The following AAK1 variants were observed in gnomAD, a reference collection of about 807,000 sequenced individuals.
The protein encoded by AAK1 is AP2-associated protein kinase 1.
A neutral mutation model predicts 116.0 loss-of-function variants in AAK1; 37 were observed. That is an observed-to-expected ratio of 0.32 (90% CI 0.25 to 0.42). AAK1 has a LOEUF of 0.42. AAK1 is among the 10% of genes least tolerant of loss of function. The pLI, the probability that AAK1 is intolerant of heterozygous loss-of-function variation, is 1.00. For synonymous variants in AAK1, 458 were observed against 439.9 expected, an observed-to-expected ratio of 1.04 and a Z score of -0.51; for missense variants, 919 against 1,170.6, an observed-to-expected ratio of 0.79 and a Z score of 3.14.
In AAK1 at chr2:69,469,730, G is replaced by A. The variant is rs553558463; in HGVS notation, c.*6139C>T. ...GTTTTGTTATAATTCCCTCAAACTG[G>A]ATCATGCCTCTTTTTATTTTGGTTT... is the stretch of plus-strand genomic sequence containing the variant. On this transcript the variant is annotated 3_prime_UTR_variant, in exon 22 of 22. Coordinates refer to ENST00000409085, the MANE Select transcript of AAK1 (RefSeq NM_014911.5). 1.1e-4 allele frequency: 108 copies of A among 985,410 alleles called. No individual in the cohort carries two copies. Among genetic ancestry groups the A allele is most frequent in the Middle Eastern group, 1.0e-3 (2 of 1,914 alleles). 61.0% of individuals were successfully genotyped at this position (985,410 alleles called of 1,614,324 possible).
At chr2:69,518,478 G>A (rs1217083015) in intron 12 of AAK1, among the ~76,000 whole-genome samples, 1 of 147,148 alleles carries the variant, frequency 6.8e-6, no homozygotes, top group Non-Finnish European at 1.5e-5. Flanking sequence ...GGAGTGCAAT[G>A]GCACGATCTC....
intron 17 of AAK1, among the ~76,000 whole-genome samples, chr2:69,495,761 T>A (rs545164197): frequency 2.6e-5 from 4 of 152,278 alleles, no homozygotes; most frequent in Admixed American, 6.5e-5. Flanking sequence ...AATATGGAAA[T>A]CAATTTGGTA....
At chr2:69,639,911 A>T (rs1470467770) in intron 2 of AAK1, among the ~76,000 whole-genome samples, 1 of 151,774 alleles carries the variant, frequency 6.6e-6, no homozygotes, top group Non-Finnish European at 1.5e-5. Flanking sequence ...GCTGGTGAGG[A>T]CTCTGCAAAG....
chr2:69,612,593 T>C (rs1291861380), intron 2 of AAK1, among the ~76,000 whole-genome samples: 1 of 152,272 alleles, frequency 6.6e-6, no homozygotes, highest in Non-Finnish European at 1.5e-5. Flanking sequence ...CATTGTTTGA[T>C]ATTTTATGAT....
chr2:69,560,785 T>G (rs1262016633), intron 2 of AAK1, among the ~76,000 whole-genome samples: 1 of 152,236 alleles, frequency 6.6e-6, no homozygotes, highest in Non-Finnish European at 1.5e-5. Flanking sequence ...AGGTTTTGTC[T>G]GTTTGGTTTG....
intron 2 of AAK1, among the ~76,000 whole-genome samples, chr2:69,617,015 T>C (rs552353651): frequency 2.2e-4 from 34 of 152,228 alleles, no homozygotes; most frequent in African/African-American, 7.2e-4. Context: ...CCCCAGTGTA[T>C]GGTAACATAG....
At chr2:69,542,397 A>G (rs1670759468) in intron 5 of AAK1, 126 bp downstream of exon 5, 2 of 1,194,702 alleles carry the variant, frequency 1.7e-6, no homozygotes, top group Admixed American at 2.6e-5. Flanking sequence ...CCTCAGGCAG[A>G]ATATAAACAT....
chr2:69,635,902 C>T lies in AAK1; in HGVS notation c.163+6976G>A, dbSNP rs544453789. Among the ~76,000 whole-genome samples the T allele has an allele frequency of 4.7e-4, 71 of 152,172 alleles. No individual in the cohort carries two copies. In the South Asian group the frequency reaches 0.012, roughly 27 times the overall value. ...ATTATGAATATATTTAACACCTAGA[C>T]GTACATTTAAAAATGATTAAGATAA... On this transcript the variant is annotated intron_variant, in intron 2 of 21. Transcript: ENST00000409085.
intron 2 of AAK1, among the ~76,000 whole-genome samples, chr2:69,571,263 T>C (rs939676923): frequency 2.6e-5 from 4 of 152,134 alleles, no homozygotes; most frequent in African/African-American, 4.8e-5. Flanking sequence ...CATTCTCCCT[T>C]GAGAATCCGA....
intron 14 of AAK1, among the ~76,000 whole-genome samples, chr2:69,508,905 C>T (rs1487033217): frequency 1.3e-5 from 2 of 152,098 alleles, no homozygotes; most frequent in East Asian, 1.9e-4. Context: ...TGGAGAGACT[C>T]GGTCAGATCG....
chr2:69,480,151 G>A (rs1410792196), intron 19 of AAK1, among the ~76,000 whole-genome samples: 2 of 151,728 alleles, frequency 1.3e-5, no homozygotes, highest in Non-Finnish European at 2.9e-5. Context: ...TAATGTCTTT[G>A]GAGGTAATTT....
In AAK1 at chr2:69,464,958, C is replaced by A. The variant is rs549723688; in HGVS notation, c.*10911G>T. 1 of 155,194 alleles carries A rather than the reference C, an allele frequency of 6.4e-6. No homozygotes were observed. Among genetic ancestry groups the A allele is most frequent in the East Asian group, 1.9e-4 (1 of 5,264 alleles). 9.6% of individuals were successfully genotyped at this position (155,194 alleles called of 1,614,324 possible). A position where few individuals can be genotyped will look rare whatever the true frequency, so the allele number is the denominator to read the frequency against. On this transcript the variant is annotated 3_prime_UTR_variant, in exon 22 of 22. Transcript: ENST00000409085. ...TTGCTCTTCTTTCCAGACATCTCCCCTTTTCAAGAGTACTAAATCTTGATT... is the reference window on the plus strand; with the variant it reads ...TTGCTCTTCTTTCCAGACATCTCCCATTTTCAAGAGTACTAAATCTTGATT...
chr2:69,587,058 A>T (rs1572982193), intron 2 of AAK1, among the ~76,000 whole-genome samples: 1 of 151,804 alleles, frequency 6.6e-6, no homozygotes, highest in Non-Finnish European at 1.5e-5. Flanking sequence ...TCTAAAGCAA[A>T]CCTGCCTCAT....
chr2:69,556,712 C>T (rs1003665805), intron 3 of AAK1, 148 bp downstream of exon 3: 19 of 630,694 alleles, frequency 3.0e-5, no homozygotes, highest in Admixed American at 7.7e-5. Context: ...AGGGCGGTGT[C>T]CTATATCCCA....
intron 2 of AAK1, among the ~76,000 whole-genome samples, chr2:69,586,429 C>G (rs1179166211): frequency 6.6e-6 from 1 of 152,060 alleles, no homozygotes; most frequent in East Asian, 1.9e-4. Flanking sequence ...TTCAGGAGCT[C>G]AAAGAGGGCC....
intron 5 of AAK1, among the ~76,000 whole-genome samples, chr2:69,539,481 C>A (rs1306975004): frequency 6.6e-6 from 1 of 152,174 alleles, no homozygotes; most frequent in Non-Finnish European, 1.5e-5. Flanking sequence ...CCACATTTCT[C>A]CCCTATTTCT....
chr2:69,498,419 A>G (rs531328654), intron 16 of AAK1, among the ~76,000 whole-genome samples: 23 of 151,642 alleles, frequency 1.5e-4, no homozygotes, highest in Non-Finnish European at 3.2e-4. Flanking sequence ...TCTGGGGTCT[A>G]CTGGGCAGCT....
At chr2:69,498,713 C>T (rs866904582) in intron 16 of AAK1, among the ~76,000 whole-genome samples, 3 of 152,212 alleles carry the variant, frequency 2.0e-5, no homozygotes, top group Non-Finnish European at 2.9e-5. Flanking sequence ...GATGGACCGG[C>T]GACATTTCCA....
At chr2:69,556,789 T>C (rs570000522) in intron 3 of AAK1, 71 bp downstream of exon 3, 1 of 1,235,852 alleles carries the variant, frequency 8.1e-7, no homozygotes, top group South Asian at 1.3e-5. Context: ...AAACCCCGCT[T>C]GGCTTTCTTA....
Sources: allele counts gnomAD v4.1 joint callset (sites outside exome capture counted in the v4.1 genomes callset), GRCh38; gene constraint gnomAD v4.1.1; transcripts MANE v1.5; gene names NCBI Gene and HGNC (gene_info 2026-07-23, HGNC 2026-07-21).